Variants in EHMT1 observed in about 807,000 individuals in gnomAD.
EHMT1 encodes histone-lysine N-methyltransferase EHMT1.
In EHMT1, 15 loss-of-function variants were observed where a neutral mutation model predicts 147.2. The ratio of observed to expected loss-of-function variants is 0.10; its 90% confidence interval spans 0.07 to 0.16. The LOEUF (loss-of-function observed/expected upper bound fraction) is 0.16, where lower values mean the gene tolerates loss of function less well. Among genes scored for constraint, EHMT1 ranks in the 10% least tolerant of loss-of-function variants. EHMT1 has a pLI of 1.00. For missense variants in EHMT1, 1,587 were observed against 1,772.4 expected (o/e 0.90, Z 1.88); for synonymous variants, 795 against 709.6 (o/e 1.12, Z -1.91).
Position 137,731,673 on chromosome 9 carries a change from C to G in EHMT1, c.823+3144C>G, listed in dbSNP as rs1340537422. On this transcript the variant is annotated intron_variant, in intron 4 of 26. Coordinates refer to ENST00000460843, the MANE Select transcript of EHMT1 (RefSeq NM_024757.5). This position sits in a 1 kb window ranked among gnomAD's most constrained non-coding sequence, Gnocchi z 4.3. ...GCCAGCGGCGCCTCTGCTTGAGTTT[C>G]ACTTGCACCTGCTGGGCTCATTCTG... Among the ~76,000 whole-genome samples, 1 of 152,146 alleles carries G rather than the reference C, an allele frequency of 6.6e-6. No homozygotes were observed. The highest frequency in any genetic ancestry group is 1.5e-5 in the Non-Finnish European group (1 of 68,028).
intron 15 of EHMT1, chr9:137,784,149 G>A (rs1407004418): frequency 3.2e-6 from 5 of 1,550,000 alleles, no homozygotes; most frequent in Non-Finnish European, 4.4e-6. Context: ...TGCCTTTGGT[G>A]ACTTATGGTG....
At chr9:137,677,214 A>G (rs1308326047) in intron 1 of EHMT1, among the ~76,000 whole-genome samples, 1 of 151,558 alleles carries the variant, frequency 6.6e-6, no homozygotes, top group African/African-American at 2.4e-5. Context: ...GCTCATTGCA[A>G]CCTCCACCTC....
Position 137,767,940 on chromosome 9 carries a change from T to G in EHMT1, c.1647+5120T>G, listed in dbSNP as rs189132388. On this transcript the variant is annotated intron_variant, in intron 10 of 26. Transcript: ENST00000460843. Reference sequence around the variant, plus strand: ...TTGGATTTGGGGTGTTCAACCTGTTTTGTATTTTTAGTGCAAATTTTTTGT... The same window carrying G: ...TTGGATTTGGGGTGTTCAACCTGTTGTGTATTTTTAGTGCAAATTTTTTGT... Among the ~76,000 whole-genome samples, 20 of 152,344 alleles carry G rather than the reference T, an allele frequency of 1.3e-4. No individual in the cohort carries two copies. In the East Asian group the frequency reaches 3.7e-3, roughly 28 times the overall value.
intron 1 of EHMT1, among the ~76,000 whole-genome samples, chr9:137,666,649 C>G (rs1348990701): frequency 6.6e-6 from 1 of 152,240 alleles, no homozygotes; most frequent in Non-Finnish European, 1.5e-5. Flanking sequence ...GACCACTCAT[C>G]AGGAGAGCTG....
At chr9:137,709,998 C>T (rs1386129047) in intron 1 of EHMT1, among the ~76,000 whole-genome samples, 2 of 152,094 alleles carry the variant, frequency 1.3e-5, no homozygotes, top group Non-Finnish European at 2.9e-5. Flanking sequence ...TTCCCCGGCC[C>T]CCAGCTGTGG....
chr9:137,720,533 G>C (rs1455031624), intron 3 of EHMT1, among the ~76,000 whole-genome samples: 1 of 152,072 alleles, frequency 6.6e-6, no homozygotes, highest in Non-Finnish European at 1.5e-5. Flanking sequence ...GAATTCCTGA[G>C]CTCAAGTGAT....
chr9:137,834,474 C>T lies in EHMT1; in HGVS notation c.3666C>T (p.Pro1222=). 2 of 1,612,840 alleles carry T rather than the reference C, an allele frequency of 1.2e-6. No homozygotes were observed. Among genetic ancestry groups the T allele is most frequent in the Non-Finnish European group, 1.7e-6 (2 of 1,179,804 alleles). ...TGGCCCACCAGGACCTGCGGTTCCC[C>T]CGGATCGCCTTCTTCAGCACCCGCC... ...VFMAHQDLRF[P]RIAFFSTRLI... The change falls in exon 26 of 27, where the codon CCC becomes CCT. Residue 1222 remains proline, a synonymous_variant. Coordinates refer to ENST00000460843, the MANE Select transcript of EHMT1 (RefSeq NM_024757.5).
At position 137,758,009 on chromosome 9, in the gene EHMT1, A is replaced by G; in HGVS notation, c.1499A>G (p.Glu500Gly). 1 of 1,614,000 alleles carries G rather than the reference A, an allele frequency of 6.2e-7. No homozygotes were observed. Among genetic ancestry groups the G allele is most frequent in the Non-Finnish European group, 8.5e-7 (1 of 1,179,994 alleles). Residue 500 changes from glutamate (E) to glycine (G), a missense_variant and splice_region_variant, in exon 9 of 27, where the codon GAA (glutamate) becomes GGA (glycine). Coordinates refer to ENST00000460843, the MANE Select transcript of EHMT1 (RefSeq NM_024757.5). ...RVKGILSSQA[E>G]GLANGPDVLE... is the part of the protein sequence containing the mutation. ...AAAGGAATTCTGTCTTCACAAGCAG[A>G]AGGTGAATGTGGTGGTGTAACTTAG...
intron 6 of EHMT1, among the ~76,000 whole-genome samples, chr9:137,751,990 A>G (rs1305985749): frequency 6.6e-6 from 1 of 152,262 alleles, no homozygotes; most frequent in Non-Finnish European, 1.5e-5. Context: ...CATAAGATAC[A>G]GTGAGTACCT....
At chr9:137,635,451 G>A (rs981782197) in intron 1 of EHMT1, among the ~76,000 whole-genome samples, 3 of 151,286 alleles carry the variant, frequency 2.0e-5, no homozygotes, top group Admixed American at 6.6e-5. Context: ...TTCTGACCTC[G>A]TGATTCGCCC....
chr9:137,764,756 A>G (rs1950103397), intron 10 of EHMT1: 1 of 152,232 alleles, frequency 6.6e-6, no homozygotes, highest in Non-Finnish European at 1.5e-5. Flanking sequence ...TCCACTCATT[A>G]AATCAATCTG....
chr9:137,796,887 G>A (rs1162101544), intron 16 of EHMT1, among the ~76,000 whole-genome samples: 1 of 152,032 alleles, frequency 6.6e-6, no homozygotes, highest in Admixed American at 6.6e-5. Context: ...TGACGGGGCG[G>A]GACATAGAGC....
intron 4 of EHMT1, among the ~76,000 whole-genome samples, chr9:137,737,875 A>G (rs980790252): frequency 6.6e-6 from 1 of 152,330 alleles, no homozygotes; most frequent in Non-Finnish European, 1.5e-5. Context: ...CCACAACTCA[A>G]CAATAAAAAC....
Position 137,716,743 on chromosome 9 carries a change from A to G in EHMT1, c.203A>G (p.Asn68Ser). The G allele has an allele frequency of 6.2e-7, 1 of 1,612,732 alleles. No homozygotes were observed. Among genetic ancestry groups the G allele is most frequent in the Non-Finnish European group, 8.5e-7 (1 of 1,179,554 alleles). Residue 68 changes from asparagine to serine, a missense_variant, in exon 3 of 27, where the codon AAT becomes AGT. Around this residue, in one of 7 missense-constraint regions of EHMT1, gnomAD observed 810 missense variants for 673.0 expected, o/e 1.20. Coordinates refer to ENST00000460843, the MANE Select transcript of EHMT1 (RefSeq NM_024757.5). Reference sequence around the variant, plus strand: ...AACAGCGATGCCAGCAGTCATGCAAATGCTGCAAAGCACACTCAGGACAGC... The same window carrying G: ...AACAGCGATGCCAGCAGTCATGCAAGTGCTGCAAAGCACACTCAGGACAGC... ...CENSDASSHANAAKHTQDSAR... is the reference protein window; with the variant it reads ...CENSDASSHASAAKHTQDSAR...
intron 1 of EHMT1, among the ~76,000 whole-genome samples, chr9:137,703,341 T>C (rs1298911317): frequency 1.3e-5 from 2 of 152,228 alleles, no homozygotes; most frequent in East Asian, 3.8e-4. Flanking sequence ...ATGTGCTTTT[T>C]TTCCTACCAC....
chr9:137,715,171 G>A (rs901491389), intron 2 of EHMT1, among the ~76,000 whole-genome samples: 1 of 152,188 alleles, frequency 6.6e-6, no homozygotes, highest in Non-Finnish European at 1.5e-5. Context: ...GGAACAGTTT[G>A]ACCCTCACAT....
chr9:137,623,579 C>T (rs1162316740), intron 1 of EHMT1, among the ~76,000 whole-genome samples: 2 of 151,932 alleles, frequency 1.3e-5, no homozygotes, highest in East Asian at 3.9e-4. Context: ...CACGCCTGTG[C>T]CTGGCTAATT....
At chr9:137,658,076 C>T (rs1297046772) in intron 1 of EHMT1, among the ~76,000 whole-genome samples, 5 of 152,180 alleles carry the variant, frequency 3.3e-5, no homozygotes, top group African/African-American at 9.6e-5. Context: ...AATACTGCCT[C>T]ATTGTGCCTG....
chr9:137,815,228 A>C (rs561122196), intron 22 of EHMT1: 20 of 164,260 alleles, frequency 1.2e-4, no homozygotes, highest in Non-Finnish European at 2.1e-4. Context: ...TCTGAATTAG[A>C]GGCTCCAATG....
Sources: gnomAD v4.1 joint callset for allele counts (sites outside exome capture counted in the v4.1 genomes callset) on GRCh38, gnomAD v4.1.1 for gene constraint, gnomAD v4.1.1 regional missense constraint, Gnocchi (gnomAD v3.1) non-coding constraint, MANE v1.5 for transcripts, NCBI Gene and HGNC (gene_info 2026-07-23, HGNC 2026-07-21) for gene names.